The following UIMC1 variants were observed in gnomAD, a reference collection of about 807,000 sequenced individuals.
The protein encoded by UIMC1 is BRCA1-A complex subunit RAP80.
Under a neutral mutation model 84.9 loss-of-function variants are expected in UIMC1, and 42 were observed. That is an observed-to-expected ratio of 0.49 (90% CI 0.39 to 0.64). The LOEUF is 0.64. UIMC1 is among the 30% of genes least tolerant of loss of function. The pLI is 0.00. For synonymous variants in UIMC1, 281 were observed against 293.0 expected (o/e 0.96, Z 0.42); for missense variants, 825 against 847.6 (o/e 0.97, Z 0.33).
chr5:176,956,479 T>C (rs1363279784), intron 7 of UIMC1, among the ~76,000 whole-genome samples: 1 of 152,160 alleles, frequency 6.6e-6, no homozygotes, highest in African/African-American at 2.4e-5. Flanking sequence ...TGCAGTTAAA[T>C]CTCCTCTTTA....
chr5:176,992,984 G>A (rs1773102423), intron 1 of UIMC1, among the ~76,000 whole-genome samples: 2 of 152,012 alleles, frequency 1.3e-5, no homozygotes, highest in South Asian at 2.1e-4. Flanking sequence ...TCAGGAGTTG[G>A]AGACCAGCAT....
rs1013728806 is a variant in UIMC1 at position 176,907,272 on chromosome 5, A to G, written c.1849-95T>C. 4 of 1,239,604 alleles carry G rather than the reference A, an allele frequency of 3.2e-6. No homozygotes were observed. In the African/African-American group the frequency reaches 4.5e-5, roughly 14 times the overall value. 76.8% of individuals were successfully genotyped at this position (1,239,604 alleles called of 1,614,324 possible). On this transcript the variant is annotated intron_variant, in intron 12 of 14. Transcript: ENST00000511320. ...GATCACACGTGTTCATAGAAGAGAA[A>G]AGGTGTGGGGGCCACAGCTCTAGGG...
intron 10 of UIMC1, among the ~76,000 whole-genome samples, chr5:176,923,871 A>AT (rs1168642791): frequency 2.2e-4 from 25 of 116,030 alleles, no homozygotes; most frequent in East Asian, 8.3e-4. Context: ...CTCAAAAAAA[A>AT]AAAATATATA....
In UIMC1 at chr5:176,969,103, C is replaced by T; in HGVS notation, c.652G>A (p.Asp218Asn). The change falls in exon 6 of 15, where the codon GAC becomes AAC. Residue 218 changes from aspartate to asparagine, a missense_variant. Transcript: ENST00000511320. ...TCAGCCGAGTGGCCAGTACATCTGTCAAAAGATTTAACGTTCACATTCTCA... is the reference window on the plus strand; with the variant it reads ...TCAGCCGAGTGGCCAGTACATCTGTTAAAAGATTTAACGTTCACATTCTCA... The part of the protein sequence containing the change: ...VFENVNVKSF[D>N]RCTGHSAEHT... 6.2e-7 allele frequency: 1 copy of T among 1,614,220 alleles called. No homozygotes were observed. The highest frequency in any genetic ancestry group is 8.5e-7 in the Non-Finnish European group (1 of 1,180,040).
chr5:176,952,718 G>C (rs763194321), intron 8 of UIMC1, among the ~76,000 whole-genome samples: 5 of 152,066 alleles, frequency 3.3e-5, no homozygotes, highest in African/African-American at 7.2e-5. Context: ...GATCACTTGA[G>C]GTCAGGAGTT....
intron 10 of UIMC1, among the ~76,000 whole-genome samples, chr5:176,942,734 A>C (rs1184005569): frequency 7.6e-6 from 1 of 132,092 alleles, no homozygotes; most frequent in East Asian, 2.3e-4. Context: ...CGACAGAGCG[A>C]GACTCCGTCT....
intron 10 of UIMC1, among the ~76,000 whole-genome samples, chr5:176,933,394 A>G (rs889172646): frequency 6.6e-6 from 1 of 152,242 alleles, no homozygotes; most frequent in Non-Finnish European, 1.5e-5. Context: ...TTTTTAAAAG[A>G]ATATCCCTCA....
chr5:176,973,247 C>T (rs564355534), intron 3 of UIMC1, among the ~76,000 whole-genome samples: 15 of 152,032 alleles, frequency 9.9e-5, no homozygotes, highest in Admixed American at 7.9e-4. Context: ...GCATTCTCAA[C>T]AAGAGTGATA....
chr5:176,939,558 G>A (rs1380029643), intron 10 of UIMC1, among the ~76,000 whole-genome samples: 1 of 151,918 alleles, frequency 6.6e-6, no homozygotes. Context: ...TACAGTGTTC[G>A]GTACAGTAAC....
chr5:176,930,165 T>C (rs889416523), intron 10 of UIMC1, among the ~76,000 whole-genome samples: 1 of 152,164 alleles, frequency 6.6e-6, no homozygotes, highest in Non-Finnish European at 1.5e-5. Flanking sequence ...AACTATATGC[T>C]TCTTCTGGAT....
chr5:176,911,790 G>A (rs528413750), intron 10 of UIMC1, among the ~76,000 whole-genome samples: 13 of 152,242 alleles, frequency 8.5e-5, no homozygotes, highest in East Asian at 5.8e-4. Context: ...ATAGCCATCC[G>A]AGTGCCTACA....
intron 9 of UIMC1, among the ~76,000 whole-genome samples, chr5:176,944,187 T>C (rs1043614397): frequency 5.3e-5 from 8 of 152,218 alleles, no homozygotes; most frequent in Non-Finnish European, 1.2e-4. Flanking sequence ...CTTAGACCCA[T>C]AAGACCTAAG....
intron 9 of UIMC1, among the ~76,000 whole-genome samples, chr5:176,945,227 C>T (rs569376946): frequency 6.6e-6 from 1 of 152,278 alleles, no homozygotes; most frequent in African/African-American, 2.4e-5. Context: ...GTTCTAGGTG[C>T]TATGTTTTCC....
chr5:176,928,962 A>G (rs551368961), intron 10 of UIMC1, among the ~76,000 whole-genome samples: 1 of 151,876 alleles, frequency 6.6e-6, no homozygotes, highest in South Asian at 2.1e-4. Flanking sequence ...TAAAAAAAAA[A>G]TTATTAATTG....
At chr5:176,926,265 G>A (rs1435077622) in intron 10 of UIMC1, among the ~76,000 whole-genome samples, 1 of 152,018 alleles carries the variant, frequency 6.6e-6, no homozygotes, top group African/African-American at 2.4e-5. Context: ...TTGTATACTA[G>A]ATAATAGTAT....
At chr5:176,920,243 G>C (rs1761542503) in intron 10 of UIMC1, among the ~76,000 whole-genome samples, 1 of 151,956 alleles carries the variant, frequency 6.6e-6, no homozygotes, top group Non-Finnish European at 1.5e-5. Context: ...GGTAAGGCTA[G>C]TCTCGAACTC....
chr5:176,966,249 ATT>A (rs1337226514), intron 6 of UIMC1, among the ~76,000 whole-genome samples: 1 of 152,236 alleles, frequency 6.6e-6, no homozygotes, highest in Non-Finnish European at 1.5e-5. Context: ...TGCAGTAGAC[ATT>A]TTACACAAAT....
chr5:177,012,028 C>A (rs1775559788), intron 1 of UIMC1, among the ~76,000 whole-genome samples: 1 of 152,124 alleles, frequency 6.6e-6, no homozygotes, highest in Non-Finnish European at 1.5e-5. Context: ...TCTCGATCTC[C>A]TGACCTCATG....
intron 10 of UIMC1, among the ~76,000 whole-genome samples, chr5:176,941,348 T>C (rs1022041989): frequency 1.4e-4 from 21 of 152,104 alleles, no homozygotes; most frequent in African/African-American, 5.1e-4. Context: ...GAATAATATA[T>C]AGAGAGAGCT....
Sources: allele counts gnomAD v4.1 joint callset (sites outside exome capture counted in the v4.1 genomes callset), GRCh38; gene constraint gnomAD v4.1.1; transcripts MANE v1.5; gene names NCBI Gene and HGNC (gene_info 2026-07-23, HGNC 2026-07-21).